The following PTPRE variants were observed in gnomAD, a reference collection of about 807,000 sequenced individuals.
The protein encoded by PTPRE is protein tyrosine phosphatase receptor type E, also known as receptor-type tyrosine-protein phosphatase epsilon.
PTPRE carries 51 observed loss-of-function variants against 102.0 expected under a neutral mutation model. The ratio of observed to expected loss-of-function variants is 0.50; its 90% CI spans 0.40 to 0.63. PTPRE has a LOEUF of 0.63. Among genes scored for constraint, PTPRE ranks in the 30% least tolerant of loss-of-function variants. The pLI is 0.00. For missense variants in PTPRE, 752 were observed against 915.1 expected (o/e 0.82, Z 2.30); for synonymous variants, 345 against 348.2 (o/e 0.99, Z 0.10).
chr10:127,993,485 A>G (rs1852899753), intron 2 of PTPRE, among the ~76,000 whole-genome samples: 1 of 152,012 alleles, frequency 6.6e-6, no homozygotes, highest in Non-Finnish European at 1.5e-5. Flanking sequence ...CAGCTCCTGG[A>G]GGGGGCGAGG....
intron 9 of PTPRE, 118 bp from the exon 10 acceptor site, chr10:128,062,965 C>G (rs960523313): frequency 6.7e-7 from 1 of 1,496,134 alleles, no homozygotes; most frequent in African/African-American, 1.4e-5. Context: ...GTGTCCCCAA[C>G]AAGCCTGAGA....
intron 1 of PTPRE, among the ~76,000 whole-genome samples, chr10:127,924,372 C>A (rs1029466723): frequency 6.6e-6 from 1 of 152,010 alleles, no homozygotes; most frequent in African/African-American, 2.4e-5. Context: ...ACTACAGGCG[C>A]CCACCACCGT....
chr10:127,977,374 T>C (rs1343367217), intron 1 of PTPRE, among the ~76,000 whole-genome samples: 4 of 152,260 alleles, frequency 2.6e-5, no homozygotes, highest in African/African-American at 9.6e-5. Context: ...TAGAAACATG[T>C]ATGTAAACAT....
intron 2 of PTPRE, among the ~76,000 whole-genome samples, chr10:128,003,509 A>G (rs912906298): frequency 1.7e-4 from 26 of 152,226 alleles, no homozygotes; most frequent in African/African-American, 6.0e-4. Context: ...AACAAAAAGG[A>G]AAAAGAAAAA....
chr10:127,933,057 G>T (rs1402368856), intron 1 of PTPRE, among the ~76,000 whole-genome samples: 3 of 152,068 alleles, frequency 2.0e-5, no homozygotes, highest in African/African-American at 7.2e-5. Flanking sequence ...CCTGCTCCTC[G>T]TCTGCCTTTA....
chr10:128,062,792 G>T, intron 9 of PTPRE: 1 of 398,146 alleles, frequency 2.5e-6, no homozygotes, highest in Non-Finnish European at 4.5e-6. Flanking sequence ...CCCACACTTG[G>T]CTGTAGACCC....
intron 1 of PTPRE, among the ~76,000 whole-genome samples, chr10:127,956,034 G>A (rs796632258): frequency 5.9e-5 from 9 of 152,224 alleles, no homozygotes; most frequent in African/African-American, 1.4e-4. Flanking sequence ...TACACAAATC[G>A]AAACTATATC....
intron 1 of PTPRE, among the ~76,000 whole-genome samples, chr10:127,932,770 C>G (rs927163319): frequency 6.6e-6 from 1 of 151,542 alleles, no homozygotes; most frequent in Non-Finnish European, 1.5e-5. Context: ...CTCTGCTCAT[C>G]GTCTCACTTG....
chr10:127,946,158 G>A (rs963646083), intron 1 of PTPRE, among the ~76,000 whole-genome samples: 1 of 152,138 alleles, frequency 6.6e-6, no homozygotes, highest in Non-Finnish European at 1.5e-5. Context: ...GTTTGTTTCT[G>A]GCTGAGGCCA....
chr10:127,985,093 G>T (rs1228821133), intron 2 of PTPRE, among the ~76,000 whole-genome samples: 2 of 152,244 alleles, frequency 1.3e-5, no homozygotes, highest in Non-Finnish European at 1.5e-5. Context: ...CTTGGGCAGG[G>T]CGGCTAAGCC....
chr10:127,908,087 C>T (rs1195148010), intron 1 of PTPRE, among the ~76,000 whole-genome samples: 1 of 152,216 alleles, frequency 6.6e-6, no homozygotes, highest in Non-Finnish European at 1.5e-5. Context: ...AAATTCCTTC[C>T]AGGCATGCAA....
chr10:128,042,742 T>C (rs1246990235), intron 3 of PTPRE, among the ~76,000 whole-genome samples: 3 of 152,200 alleles, frequency 2.0e-5, no homozygotes, highest in Non-Finnish European at 4.4e-5. Context: ...CATTTGTTCA[T>C]CGAACAAAAT....
At chr10:127,978,708 C>T (rs1851381274) in intron 1 of PTPRE, among the ~76,000 whole-genome samples, 1 of 152,152 alleles carries the variant, frequency 6.6e-6, no homozygotes, top group Admixed American at 6.5e-5. Context: ...CACCAAGCCT[C>T]AGTGTCCTCA....
At chr10:127,947,999 T>A (rs2135328280) in intron 1 of PTPRE, among the ~76,000 whole-genome samples, 1 of 152,274 alleles carries the variant, frequency 6.6e-6, no homozygotes, top group Admixed American at 6.5e-5. Context: ...ATCAGCTAAA[T>A]GCGAGCCACA....
At chr10:127,987,952 T>C (rs923630364) in intron 2 of PTPRE, among the ~76,000 whole-genome samples, 2 of 152,222 alleles carry the variant, frequency 1.3e-5, no homozygotes, top group African/African-American at 2.4e-5. Flanking sequence ...GGGCCGGCAC[T>C]CTGTGTGTAA....
intron 2 of PTPRE, among the ~76,000 whole-genome samples, chr10:128,009,195 G>A (rs561440124): frequency 7.9e-5 from 12 of 152,270 alleles, no homozygotes; most frequent in Middle Eastern, 3.4e-3. Flanking sequence ...CTGAAAATTG[G>A]GGTCCCCTTT....
intron 2 of PTPRE, among the ~76,000 whole-genome samples, chr10:128,014,530 T>C (rs1334643691): frequency 1.3e-5 from 2 of 152,156 alleles, no homozygotes; most frequent in Non-Finnish European, 2.9e-5. Flanking sequence ...GAGGGCGGAT[T>C]TATTTTTAAT....
At chr10:127,908,978 A>T (rs1845679626) in intron 1 of PTPRE, among the ~76,000 whole-genome samples, 1 of 152,192 alleles carries the variant, frequency 6.6e-6, no homozygotes, top group African/African-American at 2.4e-5. Flanking sequence ...TGAGGGTGTT[A>T]TTGTCTTTAC....
At chr10:127,963,268 T>C (rs1849972620) in intron 1 of PTPRE, among the ~76,000 whole-genome samples, 1 of 152,124 alleles carries the variant, frequency 6.6e-6, no homozygotes, top group Non-Finnish European at 1.5e-5. Flanking sequence ...ATCTGGCATG[T>C]TCCCCCAGCA....
Sources: allele counts gnomAD v4.1 joint callset (sites outside exome capture counted in the v4.1 genomes callset), GRCh38; gene constraint gnomAD v4.1.1; transcripts MANE v1.5; gene names NCBI Gene and HGNC (gene_info 2026-07-23, HGNC 2026-07-21).